The following GSE1 variants were observed in gnomAD, a reference collection of about 807,000 sequenced individuals.
GSE1 encodes the protein genetic suppressor element 1.
GSE1 carries 32 observed loss-of-function variants against 112.6 expected under a neutral mutation model. The ratio of observed to expected loss-of-function variants is 0.28; its 90% CI spans 0.21 to 0.38. The LOEUF (loss-of-function observed/expected upper bound fraction) is 0.38, where lower values mean the gene tolerates loss of function less well. Among genes scored for constraint, GSE1 ranks in the 10% least tolerant of loss-of-function variants. The pLI, the probability that GSE1 is intolerant of heterozygous loss-of-function variation, is 1.00. For synonymous variants in GSE1, 1,115 were observed against 735.6 expected, an observed-to-expected ratio of 1.52 and a Z score of -8.35; for missense variants, 2,348 against 1,699.2, an observed-to-expected ratio of 1.38 and a Z score of -6.71.
At chr16:85,211,126 C>T (rs2075217472) in intron 1 of GSE1, among the ~76,000 whole-genome samples, 1 of 152,188 alleles carries the variant, frequency 6.6e-6, no homozygotes, top group African/African-American at 2.4e-5. Context: ...CTGTGAGCCA[C>T]AGGCATGCTT....
At chr16:85,480,959 T>C (rs7193672) in intron 2 of GSE1, among the ~76,000 whole-genome samples, 102,817 of 152,188 alleles carry the variant, frequency 0.68, 35,945 homozygotes, top group African/African-American at 0.86. Context: ...CCGCAGGTCT[T>C]CCACCCCCTC....
chr16:85,335,858 C>A (rs1197151352), intron 1 of GSE1, among the ~76,000 whole-genome samples: 1 of 152,186 alleles, frequency 6.6e-6, no homozygotes, highest in African/African-American at 2.4e-5. Flanking sequence ...GGACACCCTT[C>A]AGACCTGACG....
chr16:85,222,284 G>A (rs1241806528), intron 1 of GSE1, among the ~76,000 whole-genome samples: 2 of 152,194 alleles, frequency 1.3e-5, no homozygotes, highest in African/African-American at 4.8e-5. Context: ...TGTCAGCATG[G>A]GAGCCCAGGT....
chr16:85,320,743 T>C (rs1278570655), intron 1 of GSE1, among the ~76,000 whole-genome samples: 1 of 152,216 alleles, frequency 6.6e-6, no homozygotes, highest in Non-Finnish European at 1.5e-5. Context: ...GCCATTGCAC[T>C]TGTTCTCCCA....
At position 85,653,471 on chromosome 16, in the gene GSE1, G is replaced by C. The variant is rs145596717; in HGVS notation, c.427-807G>C. Reference sequence around the variant, plus strand: ...TGAACTTGGCAGGGACCTCAGCCCGGAAGGTGGGCTTTGGGCCACTGCCTC... The same window carrying C: ...TGAACTTGGCAGGGACCTCAGCCCGCAAGGTGGGCTTTGGGCCACTGCCTC... On this transcript the variant is annotated intron_variant, in intron 3 of 15. Transcript: ENST00000253458. Among the ~76,000 whole-genome samples the C allele has an allele frequency of 9.4e-4, 142 of 150,890 alleles. 1 individual carries two copies. Among genetic ancestry groups the C allele is most frequent in the African/African-American group, 3.4e-3 (138 of 41,080 alleles).
chr16:85,428,072 T>C (rs2049033604), intron 2 of GSE1, among the ~76,000 whole-genome samples: 2 of 152,194 alleles, frequency 1.3e-5, no homozygotes, highest in Admixed American at 1.3e-4. Flanking sequence ...CCTGCTGCAT[T>C]GGACAGGACC....
intron 1 of GSE1, among the ~76,000 whole-genome samples, chr16:85,322,100 G>T (rs2046120272): frequency 6.6e-6 from 1 of 152,256 alleles, no homozygotes; most frequent in Admixed American, 6.5e-5. Context: ...CAACTTGCAG[G>T]TCAGAAGAGC....
In GSE1 at chr16:85,180,313, T is replaced by A. The variant is rs545342890; in HGVS notation, c.2283+8506T>A. Among the ~76,000 whole-genome samples, 10 of 152,110 alleles carry A rather than the reference T, an allele frequency of 6.6e-5. No homozygotes were observed. The South Asian group carries it at 8.3e-4, about 13-fold the overall frequency. ...TGCAGCTCTTTCCACTTGGCGAGAG[T>A]GGGCTGGGGAGAGGAGGCAGCCCAG... On this transcript the variant is annotated intron_variant, in intron 1 of 2. Transcript: ENST00000637419.
chr16:85,408,160 CCCCCCGG>C, intron 2 of GSE1, among the ~76,000 whole-genome samples: 1 of 35,746 alleles, frequency 2.8e-5, no homozygotes, highest in African/African-American at 1.5e-4. Flanking sequence ...ACACTCAGGG[CCCCCCGG>C]ATAATCCTCA....
chr16:85,357,650 G>A (rs1276024410), intron 2 of GSE1: 11 of 1,287,274 alleles, frequency 8.5e-6, no homozygotes, highest in Middle Eastern at 2.1e-4. Flanking sequence ...GCAGGTAGAC[G>A]CCAGCTCTTT....
intron 1 of GSE1, among the ~76,000 whole-genome samples, chr16:85,353,881 GA>G (rs2046899425): frequency 6.6e-6 from 1 of 152,206 alleles, no homozygotes; most frequent in Admixed American, 6.5e-5. Context: ...CCTAGACCAC[GA>G]GCCCCTTGAG....
At chr16:85,666,525 G>C in intron 13 of GSE1, 178 bp downstream of exon 13, 1 of 653,854 alleles carries the variant, frequency 1.5e-6, no homozygotes, top group South Asian at 1.9e-5. Flanking sequence ...TTATCTCCAA[G>C]CTCTAAAACC....
At chr16:85,292,681 A>C (rs2045257472) in intron 1 of GSE1, among the ~76,000 whole-genome samples, 2 of 151,494 alleles carry the variant, frequency 1.3e-5, no homozygotes, top group South Asian at 4.2e-4. Flanking sequence ...GCTGGTCTCA[A>C]ACTCGTGATC....
intron 1 of GSE1, among the ~76,000 whole-genome samples, chr16:85,236,376 A>G (rs1056391942): frequency 2.0e-5 from 3 of 152,036 alleles, no homozygotes; most frequent in African/African-American, 4.8e-5. Context: ...ACATCCCCCA[A>G]GTTGCATGGC....
At chr16:85,630,951 C>G (rs1407127247) in intron 1 of GSE1, among the ~76,000 whole-genome samples, 2 of 152,208 alleles carry the variant, frequency 1.3e-5, no homozygotes, top group African/African-American at 4.8e-5. Context: ...CATTGTGAGG[C>G]TGTCTTGAGA....
At chr16:85,279,440 C>G (rs896152231) in intron 1 of GSE1, among the ~76,000 whole-genome samples, 1 of 152,186 alleles carries the variant, frequency 6.6e-6, no homozygotes, top group Admixed American at 6.5e-5. Context: ...GACCCTGTCT[C>G]TACAAAAAGT....
chr16:85,651,270 A>C (rs889964125), intron 3 of GSE1, among the ~76,000 whole-genome samples: 5 of 151,774 alleles, frequency 3.3e-5, no homozygotes, highest in Admixed American at 6.5e-5. Context: ...GATGGGGGGC[A>C]GCCCTGTGCC....
At chr16:85,584,942 G>C (rs984380578) in intron 1 of GSE1, among the ~76,000 whole-genome samples, 2 of 152,122 alleles carry the variant, frequency 1.3e-5, no homozygotes, top group African/African-American at 4.8e-5. Context: ...GCAAACCGTG[G>C]GGCCACGTGG....
At chr16:85,578,075 A>G (rs2151373231) in intron 1 of GSE1, among the ~76,000 whole-genome samples, 1 of 152,336 alleles carries the variant, frequency 6.6e-6, no homozygotes, top group African/African-American at 2.4e-5. Context: ...AAAGGCCTGC[A>G]GTTCTTCCGT....
Sources: gnomAD v4.1 joint callset for allele counts (sites outside exome capture counted in the v4.1 genomes callset) on GRCh38, gnomAD v4.1.1 for gene constraint, MANE v1.5 for transcripts, NCBI Gene and HGNC (gene_info 2026-07-23, HGNC 2026-07-21) for gene names.